APC: variants seen among roughly 807,000 people sequenced by gnomAD.
The protein encoded by APC is adenomatous polyposis coli protein.
APC carries 72 observed loss-of-function variants against 247.0 expected under a neutral mutation model. The observed-to-expected ratio is 0.29, with a 90% CI of 0.24 to 0.35. The LOEUF (loss-of-function observed/expected upper bound fraction) is 0.35. Among genes scored for constraint, APC ranks in the 10% least tolerant of loss-of-function variants. APC has a pLI of 1.00. For missense variants in APC, 3,400 were observed against 3,360.7 expected, an observed-to-expected ratio of 1.01 and a Z score of -0.29; for synonymous variants, 1,254 against 1,162.5, an observed-to-expected ratio of 1.08 and a Z score of -1.60.
intron 4 of APC, among the ~76,000 whole-genome samples, chr5:112,771,323 ATTT>A (rs1281494369): frequency 8.1e-4 from 124 of 152,218 alleles, no homozygotes; most frequent in African/African-American, 2.8e-3. Flanking sequence ...TCATAAATAA[ATTT>A]TTATTGGAGC....
chr5:112,769,765 A>G (rs570342489), intron 4 of APC, among the ~76,000 whole-genome samples: 1 of 152,310 alleles, frequency 6.6e-6, no homozygotes, highest in South Asian at 2.1e-4. Flanking sequence ...AATGCCCAGC[A>G]TATCTCCCTG....
At chr5:112,734,334 A>G (rs1342999411), upstream of APC, among the ~76,000 whole-genome samples, 4 of 152,238 alleles carry the variant, frequency 2.6e-5, no homozygotes, top group Non-Finnish European at 4.4e-5. Context: ...TCGTTCTCGT[A>G]TCCCATGAAA....
intron 1 of APC, among the ~76,000 whole-genome samples, chr5:112,728,902 G>T (rs918489800): frequency 1.3e-5 from 2 of 151,942 alleles, no homozygotes; most frequent in Admixed American, 6.6e-5. Context: ...TATTTTCATT[G>T]CCTATATGGT....
chr5:112,729,616 C>G (rs1751989953), intron 1 of APC, among the ~76,000 whole-genome samples: 1 of 152,188 alleles, frequency 6.6e-6, no homozygotes, highest in African/African-American at 2.4e-5. Flanking sequence ...AAAATTTATT[C>G]TGATTACACT....
At chr5:112,792,001 A>C (rs544288438) in intron 6 of APC, among the ~76,000 whole-genome samples, 2 of 152,228 alleles carry the variant, frequency 1.3e-5, no homozygotes, top group African/African-American at 4.8e-5. Context: ...AGCCCACAGC[A>C]CTTTGGGAAG....
In APC at chr5:112,844,211, A is replaced by C; in HGVS notation, c.*85A>C. 2 of 1,327,246 alleles carry C rather than the reference A, an allele frequency of 1.5e-6. No individual in the cohort carries two copies. The highest frequency in any genetic ancestry group is 2.1e-6 in the Non-Finnish European group (2 of 959,780). 82.2% of individuals were successfully genotyped at this position (1,327,246 alleles called of 1,614,324 possible). On this transcript the variant is annotated 3_prime_UTR_variant, in exon 16 of 16. Transcript: ENST00000257430. ...TTTGTTTCAAATGAAACTTTAAAAG[A>C]CTGAAAAATTTTGTAAATAGGTTTG...
At chr5:112,783,832 A>C in intron 6 of APC, 1 of 359,594 alleles carries the variant, frequency 2.8e-6, no homozygotes. Flanking sequence ...ATAACCAAAT[A>C]GCAAAATAGT....
At chr5:112,800,731 T>C (rs1216720037) in intron 7 of APC, among the ~76,000 whole-genome samples, 1 of 152,150 alleles carries the variant, frequency 6.6e-6, no homozygotes, top group Non-Finnish European at 1.5e-5. Context: ...TAATTTCCTG[T>C]TAACAGATGG....
At chr5:112,768,768 G>A (rs1756668870) in intron 4 of APC, among the ~76,000 whole-genome samples, 2 of 151,998 alleles carry the variant, frequency 1.3e-5, no homozygotes, top group Admixed American at 6.5e-5. Flanking sequence ...GTCCTGTACA[G>A]TAGCGTAGAA....
Position 112,838,290 on chromosome 5 carries a change from C to T in APC, c.2696C>T (p.Thr899Ile). 1 of 1,614,206 alleles carries T rather than the reference C, an allele frequency of 6.2e-7. No individual in the cohort carries two copies. The highest frequency in any genetic ancestry group is 8.5e-7 in the Non-Finnish European group (1 of 1,180,050). Residue 899 changes from threonine (T) to isoleucine (I), a missense_variant, in exon 16 of 16, where the codon ACC becomes ATC. By Grantham distance (89) the Thr-to-Ile change is moderately conservative. Transcript: ENST00000257430. ...ATGGAAGAAGTGTCAGCCATTCATACCTCTCAGGAAGACAGAAGTTCTGGG... is the reference window on the plus strand; with the variant it reads ...ATGGAAGAAGTGTCAGCCATTCATATCTCTCAGGAAGACAGAAGTTCTGGG... The part of the protein sequence containing the change: ...KVMEEVSAIH[T>I]SQEDRSSGST...
chr5:112,751,536 C>A (rs1754367239), intron 1 of APC, among the ~76,000 whole-genome samples: 1 of 151,884 alleles, frequency 6.6e-6, no homozygotes, highest in Non-Finnish European at 1.5e-5. Flanking sequence ...GTTTTGGACT[C>A]TTTTTGTAGT....
chr5:112,834,259 TTAA>T (rs958949161), intron 14 of APC, among the ~76,000 whole-genome samples: 9 of 117,200 alleles, frequency 7.7e-5, no homozygotes, highest in South Asian at 3.2e-4. Context: ...TTTTTTTTTT[TTAA>T]AAAGAGTTTC....
At chr5:112,767,521 C>A in intron 4 of APC, 131 bp downstream of exon 4, 1 of 698,052 alleles carries the variant, frequency 1.4e-6, no homozygotes, top group Non-Finnish European at 2.4e-6. Context: ...TTTTTAAACT[C>A]AAAGATAGCA....
At position 112,844,218 on chromosome 5, in the gene APC, A is replaced by T; in HGVS notation, c.*92A>T. 3.3e-6 allele frequency: 4 copies of T among 1,215,530 alleles called. No homozygotes were observed. Among genetic ancestry groups the T allele is most frequent in the Non-Finnish European group, 4.6e-6 (4 of 862,922 alleles). The allele number at this position is 1,215,530 out of a possible 1,614,324, so 75.3% of individuals were successfully genotyped here. A position where few individuals can be genotyped will look rare whatever the true frequency, so the allele number is the denominator to read the frequency against. ...CAAATGAAACTTTAAAAGACTGAAA[A>T]ATTTTGTAAATAGGTTTGATTCTTG... On this transcript the variant is annotated 3_prime_UTR_variant, in exon 16 of 16. Transcript: ENST00000257430.
chr5:112,719,570 T>TAA (rs1554061640), intron 1 of APC, among the ~76,000 whole-genome samples: 2 of 150,890 alleles, frequency 1.3e-5, no homozygotes, highest in Non-Finnish European at 3.0e-5. Context: ...GACAGAGTCT[T>TAA]ACTGTGTCGC....
At chr5:112,834,755 A>G (rs1189968595) in intron 14 of APC, among the ~76,000 whole-genome samples, 196 bp from the exon 15 acceptor site, 3 of 152,138 alleles carry the variant, frequency 2.0e-5, no homozygotes, top group Admixed American at 6.6e-5. Context: ...TGCTTGTTTT[A>G]TAGAGATATC....
chr5:112,735,779 A>G (rs893194575), upstream of APC, among the ~76,000 whole-genome samples: 1 of 152,198 alleles, frequency 6.6e-6, no homozygotes, highest in Non-Finnish European at 1.5e-5. Flanking sequence ...TAAAATACAA[A>G]ATGTTTAACT....
intron 7 of APC, among the ~76,000 whole-genome samples, chr5:112,798,431 A>G (rs1760436289): frequency 1.3e-5 from 2 of 152,252 alleles, no homozygotes; most frequent in Admixed American, 6.5e-5. Context: ...CTGTAAATGG[A>G]CAGCAGGAAT....
chr5:112,818,850 G>GC, intron 9 of APC, 116 bp from the exon 10 acceptor site: 1 of 1,066,034 alleles, frequency 9.4e-7, no homozygotes, highest in Admixed American at 2.1e-5. Flanking sequence ...TTTTTGGCGG[G>GC]GGGGGTTGTT....
Sources: allele counts gnomAD v4.1 joint callset (sites outside exome capture counted in the v4.1 genomes callset), GRCh38; gene constraint gnomAD v4.1.1; transcripts MANE v1.5; gene names NCBI Gene and HGNC (gene_info 2026-07-23, HGNC 2026-07-21).